TOP1MT: variants seen among roughly 807,000 people sequenced by gnomAD.
TOP1MT encodes DNA topoisomerase I, mitochondrial.
Under a neutral mutation model 73.9 loss-of-function variants are expected in TOP1MT, and 80 were observed. The ratio of observed to expected loss-of-function variants is 1.08; its 90% confidence interval spans 0.90 to 1.30. The LOEUF is 1.30. TOP1MT is among the 50% of genes most tolerant of loss of function. TOP1MT has a pLI of 0.00. For missense variants in TOP1MT, 815 were observed against 808.0 expected, an observed-to-expected ratio of 1.01 and a Z score of -0.10; for synonymous variants, 338 against 326.4, an observed-to-expected ratio of 1.04 and a Z score of -0.38.
chr8:143,350,788 T>C (rs761715098), intron 1 of TOP1MT, among the ~76,000 whole-genome samples: 1 of 152,254 alleles, frequency 6.6e-6, no homozygotes, highest in African/African-American at 2.4e-5. Context: ...CTTTTTATTT[T>C]TACTGCAATC....
At chr8:143,330,932 G>A (rs1816834925) in intron 2 of TOP1MT, among the ~76,000 whole-genome samples, 1 of 144,630 alleles carries the variant, frequency 6.9e-6, no homozygotes, top group South Asian at 2.4e-4. Flanking sequence ...GGAACACAGT[G>A]GTGCGGGGGG....
intron 1 of TOP1MT, among the ~76,000 whole-genome samples, chr8:143,332,181 C>T (rs573914561): frequency 1.8e-4 from 28 of 152,352 alleles, no homozygotes; most frequent in Middle Eastern, 3.4e-3. Flanking sequence ...ACCAGCACTG[C>T]GCTGGGTCCT....
chr8:143,342,089 TAG>T (rs1554622676), intron 2 of TOP1MT, among the ~76,000 whole-genome samples: 1 of 107,622 alleles, frequency 9.3e-6, no homozygotes. Context: ...TTATTATTAT[TAG>T]AGTCTCGCTC....
rs989888051 is a variant in TOP1MT, at chr8:143,309,528, C to G, written c.1719G>C (p.Arg573Ser). 2 of 1,613,826 alleles carry G rather than the reference C, an allele frequency of 1.2e-6. No homozygotes were observed. Among genetic ancestry groups the G allele is most frequent in the African/African-American group, 2.7e-5 (2 of 74,934 alleles). ...RISIAWCKRF[R>S]VPVEKIYSKT... ...TGCTGTAGATCTTCTCCACTGGCAC[C>G]CTGAACCGCTTGCACCTGCGGGAGG... Residue 573 changes from arginine (R) to serine (S), a missense_variant, in exon 14 of 14, where the codon AGG (arginine) becomes AGC (serine). Arg to Ser is a moderately radical substitution (Grantham distance 110). Coordinates refer to ENST00000329245, the MANE Select transcript of TOP1MT (RefSeq NM_052963.3).
At chr8:143,322,414 CA>C (rs1816468572) in intron 7 of TOP1MT, among the ~76,000 whole-genome samples, 1 of 129,012 alleles carries the variant, frequency 7.8e-6, no homozygotes, top group African/African-American at 3.4e-5. Flanking sequence ...ACCACACACG[CA>C]CGCCACACAC....
At chr8:143,343,398 C>A in intron 1 of TOP1MT, 1 of 384,060 alleles carries the variant, frequency 2.6e-6, no homozygotes, top group Non-Finnish European at 5.2e-6. Flanking sequence ...CTCTTCATGA[C>A]CCTTTTCTCA....
intron 2 of TOP1MT, among the ~76,000 whole-genome samples, chr8:143,330,745 G>C (rs1356150234): frequency 6.6e-6 from 1 of 152,186 alleles, no homozygotes; most frequent in East Asian, 1.9e-4. Flanking sequence ...GGGCAGGAGG[G>C]GTGTGTGGGC....
At chr8:143,330,221 C>A (rs918241805) in intron 2 of TOP1MT, among the ~76,000 whole-genome samples, 1 of 152,210 alleles carries the variant, frequency 6.6e-6, no homozygotes, top group Non-Finnish European at 1.5e-5. Flanking sequence ...GGAGGCTCGG[C>A]CCCACTGGGC....
intron 2 of TOP1MT, among the ~76,000 whole-genome samples, chr8:143,342,710 G>GCT (rs371259631): frequency 0.055 from 3,417 of 62,552 alleles, 274 homozygotes; most frequent in Non-Finnish European, 0.085. Context: ...ACAGAGTCTC[G>GCT]CTGTTATTAT....
At chr8:143,321,155 C>CAAATACGTG in intron 8 of TOP1MT, 46 bp downstream of exon 8, 1 of 1,512,782 alleles carries the variant, frequency 6.6e-7, no homozygotes, top group Non-Finnish European at 8.9e-7. Context: ...ACATCCAGAG[C>CAAATACGTG]AAATACGTGT....
rs532102938 is a variant in TOP1MT at position 143,316,095 on chromosome 8, G to A, written c.1362C>T (p.Ser454=). The change falls in exon 11 of 14, where the codon TCC becomes TCT. Residue 454 remains serine (S), a synonymous_variant. Coordinates refer to ENST00000329245, the MANE Select transcript of TOP1MT (RefSeq NM_052963.3). ...CCACGACTCGGTTGGCTCGGTTGTAGGATAAGATCTTAGCTGCTATGCTGT... is the reference window on the plus strand; with the variant it reads ...CCACGACTCGGTTGGCTCGGTTGTAAGATAAGATCTTAGCTGCTATGCTGT... ...AEDSIAAKIL[S]YNRANRVVAI... The A allele has an allele frequency of 1.3e-5, 21 of 1,614,178 alleles. No individual in the cohort carries two copies. In the East Asian group the frequency reaches 4.5e-4, roughly 34 times the overall value.
In TOP1MT at chr8:143,317,877, G is replaced by T. The variant is rs201321445; in HGVS notation, c.1216-40C>A. On this transcript the variant is annotated intron_variant, in intron 9 of 13. Coordinates refer to ENST00000329245, the MANE Select transcript of TOP1MT (RefSeq NM_052963.3). Reference sequence around the variant, plus strand: ...GGTCTCTATAATTACGTGGTTTTGCGGGGCCGTCCCAGCCTCCCGCGGGAA... The same window carrying T: ...GGTCTCTATAATTACGTGGTTTTGCTGGGCCGTCCCAGCCTCCCGCGGGAA... 11 of 1,606,846 alleles carry T rather than the reference G, an allele frequency of 6.8e-6. No individual in the cohort carries two copies. The African/African-American group carries it at 8.0e-5, about 12-fold the overall frequency.
upstream of TOP1MT, among the ~76,000 whole-genome samples, chr8:143,347,062 G>A (rs938955601): frequency 2.6e-5 from 4 of 151,718 alleles, no homozygotes; most frequent in African/African-American, 9.7e-5. Context: ...TTGGCTCACT[G>A]CAACCTCCGC....
intron 2 of TOP1MT, among the ~76,000 whole-genome samples, chr8:143,329,942 T>TGG (rs113536037): frequency 3.9e-5 from 6 of 151,908 alleles, no homozygotes; most frequent in African/African-American, 7.3e-5. Flanking sequence ...GGTTTAGAGA[T>TGG]GGGGGGTGAG....
upstream of TOP1MT, among the ~76,000 whole-genome samples, chr8:143,335,334 A>G (rs1421699959): frequency 6.6e-6 from 1 of 152,198 alleles, no homozygotes; most frequent in Non-Finnish European, 1.5e-5. Context: ...TACAAACAGC[A>G]GCACTTCCAG....
upstream of TOP1MT, among the ~76,000 whole-genome samples, chr8:143,349,448 T>C (rs1297226311): frequency 6.6e-6 from 1 of 152,076 alleles, no homozygotes; most frequent in African/African-American, 2.4e-5. Context: ...AATCTGAGCT[T>C]GCCAGCTCCC....
intron 7 of TOP1MT, among the ~76,000 whole-genome samples, chr8:143,322,536 T>TGCACGCCACACACAC (rs1563759482): frequency 2.7e-5 from 1 of 36,798 alleles, no homozygotes; most frequent in Non-Finnish European, 5.3e-5. Context: ...ACGCCAAAGA[T>TGCACGCCACACACAC]GCACGCCACA....
chr8:143,359,386 C>T, upstream of TOP1MT: 1 of 985,438 alleles, frequency 1.0e-6, no homozygotes, highest in Non-Finnish European at 1.2e-6. Context: ...TGGGGCAAAG[C>T]GCATCCAAAG....
intron 7 of TOP1MT, among the ~76,000 whole-genome samples, chr8:143,322,891 CCACACGCACGCCACACACGCACGCCA>C (rs796708507): frequency 1.1e-5 from 1 of 91,736 alleles, no homozygotes; most frequent in Non-Finnish European, 2.1e-5. Flanking sequence ...CACACGCACG[CCACACGCACGCCACACACGCACGCCA>C]CACACGCACG....
Sources: gnomAD v4.1 joint callset for allele counts (sites outside exome capture counted in the v4.1 genomes callset) on GRCh38, gnomAD v4.1.1 for gene constraint, MANE v1.5 for transcripts, NCBI Gene and HGNC (gene_info 2026-07-23, HGNC 2026-07-21) for gene names.